Variants in PLEKHA7 observed in about 807,000 individuals in gnomAD.
PLEKHA7 encodes pleckstrin homology domain containing A7, also known as pleckstrin homology domain-containing family A member 7.
PLEKHA7 carries 104 observed loss-of-function variants against 170.0 expected under a neutral mutation model. The ratio of observed to expected loss-of-function variants is 0.61; its 90% confidence interval spans 0.52 to 0.72. The LOEUF (loss-of-function observed/expected upper bound fraction) is 0.72. PLEKHA7 is among the 30% of genes least tolerant of loss of function. PLEKHA7 has a pLI of 0.00. For synonymous variants in PLEKHA7, 648 were observed against 660.8 expected (o/e 0.98, Z 0.30); for missense variants, 1,615 against 1,671.7 (o/e 0.97, Z 0.59).
intron 3 of PLEKHA7, among the ~76,000 whole-genome samples, chr11:16,911,235 C>A (rs1180938752): frequency 1.3e-5 from 2 of 152,192 alleles, no homozygotes; most frequent in Non-Finnish European, 2.9e-5. Context: ...AGGTGTTAAC[C>A]CGCAGGCCTC....
rs578031892 is a variant in PLEKHA7, at chr11:16,783,921, T to C, written c.3517-88A>G. On this transcript the variant is annotated intron_variant, in intron 24 of 26. Transcript: ENST00000531066. The stretch of plus-strand genomic sequence containing the variant: ...TCCCCACCTCTGTCCCCTCCCACCA[T>C]GGGAAGCAAGCAGAGTCCACAGAGA... 3.4e-5 allele frequency: 43 copies of C among 1,265,296 alleles called. No homozygotes were observed. The East Asian group carries it at 1.1e-3, about 33-fold the overall frequency. 78.4% of individuals were successfully genotyped at this position (1,265,296 alleles called of 1,614,324 possible).
chr11:16,839,264 C>A (rs415265), intron 9 of PLEKHA7, among the ~76,000 whole-genome samples: 15,993 of 151,982 alleles, frequency 0.11, 919 homozygotes, highest in East Asian at 0.16. Flanking sequence ...CTATATATTT[C>A]TATAAGTCCA....
chr11:16,898,803 T>G (rs1302324367), intron 3 of PLEKHA7, among the ~76,000 whole-genome samples: 1 of 152,178 alleles, frequency 6.6e-6, no homozygotes, highest in East Asian at 1.9e-4. Flanking sequence ...CTAGACTTTG[T>G]TCCCCCTAGT....
rs568203026 is a variant in PLEKHA7 at position 16,996,054 on chromosome 11, AGAGAAAAGAC to A, written c.221+17925_221+17934del. ...ACATTTGGCCCACCATAGCCATTAT[AGAGAAAAGAC>A]AAAATATCTGCTGTTCATGGAAATA... On this transcript the variant is annotated intron_variant, in intron 3 of 26. Coordinates refer to ENST00000531066, the MANE Select transcript of PLEKHA7 (RefSeq NM_001329630.2). Among the ~76,000 whole-genome samples the A allele has an allele frequency of 1.3e-3, 197 of 152,370 alleles. 1 individual carries two copies. Among genetic ancestry groups the A allele is most frequent in the Non-Finnish European group, 2.1e-3 (144 of 68,036 alleles).
At chr11:16,998,095 A>T (rs576790778) in intron 3 of PLEKHA7, among the ~76,000 whole-genome samples, 12 of 152,324 alleles carry the variant, frequency 7.9e-5, no homozygotes, top group Middle Eastern at 3.4e-3. Context: ...TACCTACCTT[A>T]TAAGGTTGGC....
intron 3 of PLEKHA7, among the ~76,000 whole-genome samples, chr11:16,879,778 C>T (rs1246259336): frequency 6.6e-6 from 1 of 152,188 alleles, no homozygotes; most frequent in Non-Finnish European, 1.5e-5. Context: ...ATTTAACAGT[C>T]TTCTGGCATG....
At chr11:16,864,847 T>C (rs1854258544) in intron 4 of PLEKHA7, among the ~76,000 whole-genome samples, 1 of 152,214 alleles carries the variant, frequency 6.6e-6, no homozygotes, top group Non-Finnish European at 1.5e-5. Context: ...AACAGACTAA[T>C]ACAGTGTCTT....
intron 3 of PLEKHA7, among the ~76,000 whole-genome samples, chr11:16,963,077 C>G (rs896585696): frequency 1.3e-5 from 2 of 152,176 alleles, no homozygotes; most frequent in Non-Finnish European, 2.9e-5. Flanking sequence ...CCTTCCACTC[C>G]TTGACCCAGG....
intron 3 of PLEKHA7, among the ~76,000 whole-genome samples, chr11:16,968,087 G>A (rs1226832013): frequency 6.6e-6 from 1 of 152,156 alleles, no homozygotes; most frequent in African/African-American, 2.4e-5. Flanking sequence ...CTGAGATCTA[G>A]AGCAGGCAGA....
chr11:16,986,244 G>A (rs1294710122), intron 3 of PLEKHA7, among the ~76,000 whole-genome samples: 1 of 152,188 alleles, frequency 6.6e-6, no homozygotes, highest in Non-Finnish European at 1.5e-5. Flanking sequence ...GGGAGAACAG[G>A]ATGGAGGCAA....
intron 3 of PLEKHA7, among the ~76,000 whole-genome samples, chr11:16,892,061 T>C (rs1217754448): frequency 1.3e-5 from 2 of 152,204 alleles, no homozygotes; most frequent in East Asian, 1.9e-4. Flanking sequence ...CTGCCTTCCA[T>C]TGGTGGAAGT....
chr11:16,916,574 G>A (rs1590607596), intron 3 of PLEKHA7, among the ~76,000 whole-genome samples: 1 of 152,158 alleles, frequency 6.6e-6, no homozygotes, highest in Non-Finnish European at 1.5e-5. Flanking sequence ...CCACGGCAGT[G>A]CCTGGAACAA....
intron 26 of PLEKHA7, among the ~76,000 whole-genome samples, chr11:16,781,912 C>T (rs1441367969): frequency 6.6e-6 from 1 of 152,146 alleles, no homozygotes; most frequent in Non-Finnish European, 1.5e-5. Context: ...GCACACCTGG[C>T]CAGGAGCACC....
At chr11:16,872,975 C>T (rs558585696) in intron 3 of PLEKHA7, among the ~76,000 whole-genome samples, 1 of 152,092 alleles carries the variant, frequency 6.6e-6, no homozygotes, top group African/African-American at 2.4e-5. Context: ...TTAGGTGCCT[C>T]CCCCCCACTA....
chr11:16,965,931 C>T (rs1004228983), intron 3 of PLEKHA7, among the ~76,000 whole-genome samples: 3 of 152,120 alleles, frequency 2.0e-5, no homozygotes, highest in African/African-American at 7.2e-5. Flanking sequence ...ACCTGTAATC[C>T]CAGCACTTTG....
At chr11:16,971,594 G>T (rs562256672) in intron 3 of PLEKHA7, among the ~76,000 whole-genome samples, 13 of 152,146 alleles carry the variant, frequency 8.5e-5, no homozygotes, top group Non-Finnish European at 1.3e-4. Context: ...AGGTGCCAGG[G>T]ACATATCCAA....
intron 3 of PLEKHA7, among the ~76,000 whole-genome samples, chr11:16,885,791 C>T (rs1049850372): frequency 2.0e-5 from 3 of 151,550 alleles, no homozygotes; most frequent in East Asian, 3.9e-4. Flanking sequence ...GTCAGGAGTT[C>T]GAGACCAGCC....
intron 3 of PLEKHA7, among the ~76,000 whole-genome samples, chr11:16,998,810 T>C (rs1408426642): frequency 6.6e-6 from 1 of 151,546 alleles, no homozygotes; most frequent in Admixed American, 6.6e-5. Flanking sequence ...CATTCAACCA[T>C]ATTTTTTTAA....
chr11:16,862,844 G>A (rs1427184351), intron 4 of PLEKHA7, among the ~76,000 whole-genome samples: 1 of 152,172 alleles, frequency 6.6e-6, no homozygotes, highest in African/African-American at 2.4e-5. Flanking sequence ...GCATCTGCTT[G>A]CCAGGTGTTT....
Sources: allele counts gnomAD v4.1 joint callset (sites outside exome capture counted in the v4.1 genomes callset), GRCh38; gene constraint gnomAD v4.1.1; transcripts MANE v1.5; gene names NCBI Gene and HGNC (gene_info 2026-07-23, HGNC 2026-07-21).